CIMAP2: variants seen among roughly 807,000 people sequenced by gnomAD.
The protein encoded by CIMAP2 is ciliary microtubule associated protein 2, also known as ciliary microtubule-associated protein 2.
chr1:54,815,317 C>T, the CIMAP2 span, among the ~76,000 whole-genome samples: 1 of 152,232 alleles, frequency 6.6e-6, no homozygotes, highest in Non-Finnish European at 1.5e-5. Context: ...TGGGTTGGGA[C>T]ATGGGAATTT....
the CIMAP2 span, among the ~76,000 whole-genome samples, chr1:54,826,972 C>T: frequency 1.3e-5 from 2 of 152,222 alleles, no homozygotes. Context: ...TTAAAAAATT[C>T]CTTTATACTT....
chr1:54,807,556 A>G, the CIMAP2 span: 4 of 1,595,084 alleles, frequency 2.5e-6, no homozygotes, highest in African/African-American at 4.0e-5. Context: ...TTACAGCTCC[A>G]AAGAGACCTG....
At chr1:54,813,930 A>T in the CIMAP2 span, 2 of 1,613,232 alleles carry the variant, frequency 1.2e-6, no homozygotes, top group Non-Finnish European at 1.7e-6. Flanking sequence ...AAACCCCTAC[A>T]GAGAGGATTT....
At chr1:54,823,190 T>C in the CIMAP2 span, among the ~76,000 whole-genome samples, 2 of 152,228 alleles carry the variant, frequency 1.3e-5, no homozygotes, top group African/African-American at 2.4e-5. Flanking sequence ...TATTATTGTA[T>C]TGAAGTCTAT....
the CIMAP2 span, among the ~76,000 whole-genome samples, chr1:54,826,190 TG>T: frequency 6.6e-6 from 1 of 152,166 alleles, no homozygotes; most frequent in African/African-American, 2.4e-5. Context: ...TGTGCAGGTG[TG>T]CAGCAGCTCT....
At chr1:54,806,322 C>T in the CIMAP2 span, 4 of 1,206,048 alleles carry the variant, frequency 3.3e-6, no homozygotes, top group Non-Finnish European at 4.5e-6. Flanking sequence ...TCCACCTACA[C>T]ACAGGGCTGA....
At chr1:54,820,333 A>C in the CIMAP2 span, among the ~76,000 whole-genome samples, 1 of 151,796 alleles carries the variant, frequency 6.6e-6, no homozygotes, top group East Asian at 1.9e-4. Flanking sequence ...ACACCTGGCT[A>C]ATTGAAAAAG....
At chr1:54,819,927 CATA>C in the CIMAP2 span, among the ~76,000 whole-genome samples, 1 of 113,636 alleles carries the variant, frequency 8.8e-6, no homozygotes, top group African/African-American at 3.6e-5. Context: ...CCCTCCCCCC[CATA>C]TTTCTTTTCT....
chr1:54,821,051 G>A, the CIMAP2 span, among the ~76,000 whole-genome samples: 1 of 152,132 alleles, frequency 6.6e-6, no homozygotes, highest in Non-Finnish European at 1.5e-5. Context: ...TTATAGGCAT[G>A]AGCCACAGCA....
At chr1:54,812,331 A>G in the CIMAP2 span, 1 of 1,279,882 alleles carries the variant, frequency 7.8e-7, no homozygotes, top group Non-Finnish European at 1.1e-6. Context: ...CCTCACAGCC[A>G]GGGCTGGATC....
At chr1:54,826,220 G>T in the CIMAP2 span, among the ~76,000 whole-genome samples, 1 of 152,180 alleles carries the variant, frequency 6.6e-6, no homozygotes, top group East Asian at 1.9e-4. Flanking sequence ...AAGAGGTAGT[G>T]TTGCTGTTAG....
chr1:54,821,877 C>T, the CIMAP2 span, among the ~76,000 whole-genome samples: 1 of 134,000 alleles, frequency 7.5e-6, no homozygotes, highest in Admixed American at 7.8e-5. Flanking sequence ...ATTTAGATGC[C>T]TCTTATTTCT....
the CIMAP2 span, among the ~76,000 whole-genome samples, chr1:54,835,396 C>T: frequency 6.6e-6 from 1 of 151,836 alleles, no homozygotes; most frequent in South Asian, 2.1e-4. Flanking sequence ...CACCATGTTG[C>T]CAGGCTGTTC....
At chr1:54,806,238 C>G in the CIMAP2 span, 1 of 1,508,434 alleles carries the variant, frequency 6.6e-7, no homozygotes, top group Non-Finnish European at 8.8e-7. Context: ...CCGTTTGCGT[C>G]CTGGGCTCAC....
chr1:54,807,558 A>G, the CIMAP2 span: 1 of 1,596,170 alleles, frequency 6.3e-7, no homozygotes, highest in Non-Finnish European at 8.5e-7. Context: ...ACAGCTCCAA[A>G]GAGACCTGCT....
At chr1:54,838,592 C>T in the CIMAP2 span, among the ~76,000 whole-genome samples, 17 of 152,082 alleles carry the variant, frequency 1.1e-4, no homozygotes, top group South Asian at 2.1e-4. Context: ...AGGGCCACAG[C>T]GAGTTACTCA....
chr1:54,809,838 G>A, the CIMAP2 span, among the ~76,000 whole-genome samples: 12 of 149,620 alleles, frequency 8.0e-5, no homozygotes, highest in Non-Finnish European at 4.4e-5. Flanking sequence ...ACCTTCCCTC[G>A]TACCTGTCTT....
At chr1:54,812,432 C>T in the CIMAP2 span, among the ~76,000 whole-genome samples, 1 of 152,370 alleles carries the variant, frequency 6.6e-6, no homozygotes, top group South Asian at 2.1e-4. Flanking sequence ...GTCTGTCTGA[C>T]TTCACTGCCA....
the CIMAP2 span, chr1:54,813,836 T>C: frequency 6.2e-7 from 1 of 1,608,266 alleles, no homozygotes; most frequent in African/African-American, 1.3e-5. Context: ...AGGGAACTGA[T>C]GAATTTCAAG....
Sources: allele counts gnomAD v4.1 joint callset (sites outside exome capture counted in the v4.1 genomes callset), GRCh38; gene constraint gnomAD v4.1.1; transcripts MANE v1.5; gene names NCBI Gene and HGNC (gene_info 2026-07-23, HGNC 2026-07-21).